MACROD2: variants seen among roughly 807,000 people sequenced by gnomAD.
The protein encoded by MACROD2 is mono-ADP ribosylhydrolase 2.
A neutral mutation model predicts 70.4 loss-of-function variants in MACROD2; 36 were observed. The ratio of observed to expected loss-of-function variants is 0.51; its 90% CI spans 0.39 to 0.68. MACROD2 has a LOEUF of 0.68. Among genes scored for constraint, MACROD2 ranks in the 30% least tolerant of loss-of-function variants. MACROD2 has a pLI of 0.00. For missense variants in MACROD2, 496 were observed against 538.4 expected, an observed-to-expected ratio of 0.92 and a Z score of 0.78; for synonymous variants, 172 against 178.8, an observed-to-expected ratio of 0.96 and a Z score of 0.30.
At chr20:14,575,733 T>G (rs978045751) in intron 4 of MACROD2, among the ~76,000 whole-genome samples, 5 of 152,284 alleles carry the variant, frequency 3.3e-5, no homozygotes, top group African/African-American at 9.6e-5. Flanking sequence ...TAGGAAAAAA[T>G]TATAGTGCCC....
intron 8 of MACROD2, among the ~76,000 whole-genome samples, chr20:15,636,139 A>AG: frequency 6.8e-6 from 1 of 147,372 alleles, no homozygotes; most frequent in East Asian, 2.0e-4. Context: ...GAAAAAAAAA[A>AG]GAAATCCCCT....
rs187128545 is a variant in MACROD2 at position 14,608,317 on chromosome 20, C to T, written c.302-76526C>T. ...CATTTAGTAATTGTGTATTCTGTTTCCCCCTACAACTACTGTGAGTAATCT... is the reference window on the plus strand; with the variant it reads ...CATTTAGTAATTGTGTATTCTGTTTTCCCCTACAACTACTGTGAGTAATCT... On this transcript the variant is annotated intron_variant, in intron 4 of 17. Coordinates refer to ENST00000684519, the MANE Select transcript of MACROD2 (RefSeq NM_001351661.2). Among the ~76,000 whole-genome samples, 5 of 152,186 alleles carry T rather than the reference C, an allele frequency of 3.3e-5. No homozygotes were observed. The East Asian group carries it at 9.6e-4, about 29-fold the overall frequency.
intron 2 of MACROD2, among the ~76,000 whole-genome samples, chr20:14,059,109 G>T (rs550242865): frequency 6.6e-6 from 1 of 152,086 alleles, no homozygotes; most frequent in African/African-American, 2.4e-5. Context: ...TATATTTTTT[G>T]AATTAACACT....
chr20:14,167,990 G>A lies in MACROD2; in HGVS notation c.271+82262G>A, dbSNP rs2081186546. 2.6e-5 allele frequency among the ~76,000 whole-genome samples: 4 copies of A among 152,118 alleles called. No homozygotes were observed. The South Asian group carries it at 8.3e-4, about 32-fold the overall frequency. On this transcript the variant is annotated intron_variant, in intron 3 of 17. Transcript: ENST00000684519. Reference sequence around the variant, plus strand: ...GAAATATCCAATTAAAGTTGAGTGGGCCCTATTTGTACATGTTTTAGTGAC... The same window carrying A: ...GAAATATCCAATTAAAGTTGAGTGGACCCTATTTGTACATGTTTTAGTGAC...
intron 4 of MACROD2, among the ~76,000 whole-genome samples, chr20:14,679,769 T>A (rs1435463926): frequency 6.6e-6 from 1 of 152,168 alleles, no homozygotes; most frequent in African/African-American, 2.4e-5. Flanking sequence ...AATATAGCTC[T>A]GAAATAATAG....
intron 6 of MACROD2, among the ~76,000 whole-genome samples, chr20:15,297,800 C>T (rs1012414679): frequency 6.6e-6 from 1 of 152,120 alleles, no homozygotes; most frequent in Non-Finnish European, 1.5e-5. Flanking sequence ...TCCTGGTGAC[C>T]GAAAGTATAA....
chr20:14,270,571 G>T (rs2082183422), intron 3 of MACROD2, among the ~76,000 whole-genome samples: 1 of 141,204 alleles, frequency 7.1e-6, no homozygotes, highest in African/African-American at 2.6e-5. Flanking sequence ...CCTGGCAACA[G>T]AGTGAGACTC....
rs578067339 is a variant in MACROD2 at position 15,464,092 on chromosome 20, G to A, written c.571+32657G>A. Among the ~76,000 whole-genome samples, 3 of 152,256 alleles carry A rather than the reference G, an allele frequency of 2.0e-5. No individual in the cohort carries two copies. In the South Asian group the frequency reaches 6.2e-4, roughly 32 times the overall value. On this transcript the variant is annotated intron_variant, in intron 7 of 17. Coordinates refer to ENST00000684519, the MANE Select transcript of MACROD2 (RefSeq NM_001351661.2). ...GAAACAAGGTCTCACCCTGTCACCC[G>A]AGCTGGAATGTAGTGGCACAATCAC...
intron 3 of MACROD2, among the ~76,000 whole-genome samples, chr20:14,342,777 A>G (rs1461729130): frequency 6.6e-6 from 1 of 152,178 alleles, no homozygotes. Flanking sequence ...TAACCCTTTT[A>G]ACTATATTCC....
At chr20:14,393,570 C>T (rs2083550220) in intron 3 of MACROD2, among the ~76,000 whole-genome samples, 1 of 152,138 alleles carries the variant, frequency 6.6e-6, no homozygotes, top group South Asian at 2.1e-4. Flanking sequence ...TCATCTTGTG[C>T]AAAGCCCTCA....
At chr20:16,004,309 C>CA (rs1788381588) in intron 15 of MACROD2, among the ~76,000 whole-genome samples, 1 of 152,186 alleles carries the variant, frequency 6.6e-6, no homozygotes, top group Non-Finnish European at 1.5e-5. Context: ...CAAGGGAACA[C>CA]AGAGACCGCG....
At chr20:15,151,803 G>A (rs537551063) in intron 5 of MACROD2, among the ~76,000 whole-genome samples, 98 of 152,126 alleles carry the variant, frequency 6.4e-4, no homozygotes, top group Middle Eastern at 3.4e-3. Context: ...GTCATGGAAC[G>A]AAACTGTAAG....
chr20:15,242,556 C>A (rs1018031739), intron 6 of MACROD2, among the ~76,000 whole-genome samples: 1 of 152,060 alleles, frequency 6.6e-6, no homozygotes, highest in Non-Finnish European at 1.5e-5. Context: ...AGTGTTATCT[C>A]TTCTTCTATT....
At chr20:15,145,753 T>TA (rs1447506134) in intron 5 of MACROD2, among the ~76,000 whole-genome samples, 1 of 152,152 alleles carries the variant, frequency 6.6e-6, no homozygotes, top group African/African-American at 2.4e-5. Context: ...ATTTTTAATT[T>TA]AAAAAAATTT....
intron 9 of MACROD2, among the ~76,000 whole-genome samples, chr20:15,876,674 C>A (rs1395003971): frequency 2.6e-5 from 4 of 152,082 alleles, no homozygotes; most frequent in African/African-American, 9.7e-5. Context: ...TTCTAGATCC[C>A]TGAGGAGTCG....
At chr20:15,632,241 G>A (rs1390335884) in intron 8 of MACROD2, among the ~76,000 whole-genome samples, 1 of 151,852 alleles carries the variant, frequency 6.6e-6, no homozygotes, top group Non-Finnish European at 1.5e-5. Context: ...GGCTTATTCT[G>A]AAGACAGTCT....
chr20:15,513,794 G>C (rs184869344), intron 8 of MACROD2, among the ~76,000 whole-genome samples: 1 of 152,198 alleles, frequency 6.6e-6, no homozygotes, highest in East Asian at 1.9e-4. Flanking sequence ...ACTTGAGCTT[G>C]GTCTTTCACT....
chr20:14,577,583 C>A (rs1980681963), intron 4 of MACROD2, among the ~76,000 whole-genome samples: 1 of 151,900 alleles, frequency 6.6e-6, no homozygotes, highest in African/African-American at 2.4e-5. Context: ...AGTTTGAGAC[C>A]AGCCTGGGCC....
At chr20:15,419,790 A>G (rs944145984) in intron 6 of MACROD2, among the ~76,000 whole-genome samples, 3 of 152,320 alleles carry the variant, frequency 2.0e-5, no homozygotes, top group Middle Eastern at 3.4e-3. Flanking sequence ...TGCCTGATAC[A>G]TGTTCCTTAA....
Sources: gnomAD v4.1 joint callset for allele counts (sites outside exome capture counted in the v4.1 genomes callset) on GRCh38, gnomAD v4.1.1 for gene constraint, MANE v1.5 for transcripts, NCBI Gene and HGNC (gene_info 2026-07-23, HGNC 2026-07-21) for gene names.